The following CDON variants were observed in gnomAD, a reference collection of about 807,000 sequenced individuals.
CDON encodes the protein cell adhesion associated, oncogene regulated.
In CDON, 73 loss-of-function variants were observed where a neutral mutation model predicts 120.9. The ratio of observed to expected loss-of-function variants is 0.60; its 90% CI spans 0.50 to 0.73. The LOEUF is 0.73. CDON is among the 30% of genes least tolerant of loss of function. CDON has a pLI of 0.00. For synonymous variants in CDON, 566 were observed against 573.5 expected, an observed-to-expected ratio of 0.99 and a Z score of 0.19; for missense variants, 1,470 against 1,587.3, an observed-to-expected ratio of 0.93 and a Z score of 1.26.
At chr11:126,024,217 G>A (rs1358746834) in intron 1 of CDON, among the ~76,000 whole-genome samples, 1 of 152,216 alleles carries the variant, frequency 6.6e-6, no homozygotes, top group African/African-American at 2.4e-5. Context: ...GGTAAAGATC[G>A]TGGGATTTAT....
intron 10 of CDON, among the ~76,000 whole-genome samples, chr11:126,003,389 T>A (rs1186966878): frequency 1.3e-5 from 2 of 152,202 alleles, no homozygotes; most frequent in Non-Finnish European, 2.9e-5. Context: ...TTGCCTTGTA[T>A]AACATAAGCT....
rs761472552 is a variant in CDON, at chr11:126,018,446, T to A, written c.524A>T (p.Asn175Ile). ...TAAGGATACATTCAAAATCTGAAGA[T>A]TTCCTGATGGAAGGATTAAGTAATT... Reference protein sequence around the residue: ...TENYLILPSGNLQILNVSLED... With the variant: ...TENYLILPSGILQILNVSLED... Residue 175 changes from asparagine to isoleucine, a missense_variant, in exon 5 of 20, where the codon AAT (asparagine) becomes ATT (isoleucine). By Grantham distance (149) the Asn-to-Ile change is moderately radical. Coordinates refer to ENST00000531738, the MANE Select transcript of CDON (RefSeq NM_001378964.1). 1.2e-6 allele frequency: 2 copies of A among 1,613,872 alleles called. No homozygotes were observed. The highest frequency in any genetic ancestry group is 2.2e-5 in the South Asian group (2 of 91,072).
At chr11:126,028,067 A>C (rs914935752) in intron 1 of CDON, among the ~76,000 whole-genome samples, 1 of 151,838 alleles carries the variant, frequency 6.6e-6, no homozygotes, top group African/African-American at 2.4e-5. Flanking sequence ...ATTTTAAACA[A>C]AATATTCAAG....
chr11:126,037,026 T>C (rs1460304065), intron 1 of CDON, among the ~76,000 whole-genome samples: 1 of 152,172 alleles, frequency 6.6e-6, no homozygotes, highest in African/African-American at 2.4e-5. Flanking sequence ...ATATAACTAA[T>C]TTGAGTCTGA....
At chr11:126,005,309 AAAAAAAAAACAAACAAACAAAC>A (rs1366102638) in intron 9 of CDON, 572 of 29,738 alleles carry the variant, frequency 0.019, 4 homozygotes, top group African/African-American at 0.04. Flanking sequence ...CTCAAAAAAA[AAAAAAAAAACAAACAAACAAAC>A]AAAAAAAAAC....
Position 126,015,321 on chromosome 11 carries a change from T to C in CDON, c.1118A>G (p.Glu373Gly). 1 of 1,614,042 alleles carries C rather than the reference T, an allele frequency of 6.2e-7. No individual in the cohort carries two copies. The highest frequency in any genetic ancestry group is 1.1e-5 in the South Asian group (1 of 91,078). Reference protein sequence around the residue: ...NGLKISGVTVEDVGMYQCVAD... With the variant: ...NGLKISGVTVGDVGMYQCVAD... ...TACACACTGATACATCCCAACATCTTCCACAGTAACCCCACTGATTTTCAG... is the reference window on the plus strand; with the variant it reads ...TACACACTGATACATCCCAACATCTCCCACAGTAACCCCACTGATTTTCAG... The change falls in exon 7 of 20, where the codon GAA becomes GGA. Residue 373 changes from glutamate (E) to glycine (G), a missense_variant. Coordinates refer to ENST00000531738, the MANE Select transcript of CDON (RefSeq NM_001378964.1).
At chr11:125,973,987 C>T (rs1040222530) in intron 18 of CDON, among the ~76,000 whole-genome samples, 1 of 151,972 alleles carries the variant, frequency 6.6e-6, no homozygotes, top group Non-Finnish European at 1.5e-5. Context: ...CCTCTGCCTC[C>T]CGGGTTCAAG....
At chr11:125,971,246 G>A (rs758309708) in intron 18 of CDON, among the ~76,000 whole-genome samples, 51 of 151,974 alleles carry the variant, frequency 3.4e-4, no homozygotes, top group Non-Finnish European at 4.3e-4. Flanking sequence ...AGCTGGGTGT[G>A]GTGGCGGGCA....
At chr11:126,059,212 G>C (rs1434424421) in intron 1 of CDON, among the ~76,000 whole-genome samples, 1 of 152,162 alleles carries the variant, frequency 6.6e-6, no homozygotes, top group Non-Finnish European at 1.5e-5. Flanking sequence ...TTTATCAAAA[G>C]ATCATTCAAA....
chr11:126,013,307 TC>T lies in CDON; in HGVS notation c.1198+1933del. 1.3e-5 allele frequency among the ~76,000 whole-genome samples: 2 copies of T among 152,336 alleles called. 1 individual carries two copies. Among genetic ancestry groups the T allele is most frequent in the Admixed American group, 1.3e-4 (2 of 15,304 alleles). ...GCTTTGATTTTCCTTTCTTGCACCA[TC>T]TTATTGTGGTTCTGGAATCAAGACT... On this transcript the variant is annotated intron_variant, in intron 7 of 19. Coordinates refer to ENST00000531738, the MANE Select transcript of CDON (RefSeq NM_001378964.1).
chr11:125,992,567 G>A (rs1456746528), intron 14 of CDON, among the ~76,000 whole-genome samples: 1 of 152,158 alleles, frequency 6.6e-6, no homozygotes, highest in Admixed American at 6.5e-5. Flanking sequence ...TAAGAGCACA[G>A]AATAGTTTTG....
At chr11:126,014,006 TTTC>T (rs1157507717) in intron 7 of CDON, among the ~76,000 whole-genome samples, 1 of 152,124 alleles carries the variant, frequency 6.6e-6, no homozygotes, top group African/African-American at 2.4e-5. Context: ...TCCATTATGA[TTTC>T]TTTTTTTGAT....
At chr11:126,020,903 T>C (rs1353726254) in intron 3 of CDON, among the ~76,000 whole-genome samples, 1 of 152,032 alleles carries the variant, frequency 6.6e-6, no homozygotes, top group Non-Finnish European at 1.5e-5. Flanking sequence ...GTTAATGATA[T>C]CATGGATTTC....
intron 3 of CDON, 117 bp from the exon 4 acceptor site, chr11:126,019,882 C>G: frequency 1.1e-6 from 1 of 878,120 alleles, no homozygotes; most frequent in Non-Finnish European, 1.8e-6. Flanking sequence ...GCAGCTGACC[C>G]CAGTCCAGAG....
chr11:126,006,624 G>A lies in CDON; in HGVS notation c.1553-567C>T, dbSNP rs190419704. Among the ~76,000 whole-genome samples the A allele has an allele frequency of 8.2e-4, 125 of 152,218 alleles. No homozygotes were observed. The East Asian group carries it at 0.016, about 20-fold the overall frequency. Reference sequence around the variant, plus strand: ...GTTGAGGCTGCAGTGAGCCATGATCGTGCCACTGCACTCCAGCCTGGGCAA... The same window carrying A: ...GTTGAGGCTGCAGTGAGCCATGATCATGCCACTGCACTCCAGCCTGGGCAA... On this transcript the variant is annotated intron_variant, in intron 8 of 19. Coordinates refer to ENST00000531738, the MANE Select transcript of CDON (RefSeq NM_001378964.1).
chr11:126,019,812 T>C, intron 3 of CDON, 47 bp from the exon 4 acceptor site: 2 of 1,544,078 alleles, frequency 1.3e-6, no homozygotes, highest in Non-Finnish European at 1.8e-6. Context: ...CAAATTTGAA[T>C]TCTTTTTCCC....
chr11:125,989,447 A>C (rs1386525244), intron 15 of CDON, among the ~76,000 whole-genome samples, 190 bp downstream of exon 15: 1 of 152,158 alleles, frequency 6.6e-6, no homozygotes, highest in African/African-American at 2.4e-5. Flanking sequence ...GAGTCATGAG[A>C]ATCACTTGAA....
intron 15 of CDON, among the ~76,000 whole-genome samples, chr11:125,986,930 C>T (rs641744): frequency 0.29 from 44,012 of 152,046 alleles, 6,829 homozygotes; most frequent in African/African-American, 0.39. Flanking sequence ...GCTGGATGAA[C>T]ACTTGGCAGA....
At chr11:125,972,999 C>T (rs1244479183) in intron 18 of CDON, among the ~76,000 whole-genome samples, 1 of 134,076 alleles carries the variant, frequency 7.5e-6, no homozygotes, top group African/African-American at 2.7e-5. Flanking sequence ...CCACTGGCCT[C>T]TTCAACCAAT....
Sources: allele counts gnomAD v4.1 joint callset (sites outside exome capture counted in the v4.1 genomes callset), GRCh38; gene constraint gnomAD v4.1.1; transcripts MANE v1.5; gene names NCBI Gene and HGNC (gene_info 2026-07-23, HGNC 2026-07-21).